The following CCZ1B variants were observed in gnomAD, a reference collection of about 807,000 sequenced individuals.
The protein encoded by CCZ1B is CCZ1B vacuolar protein trafficking and biogenesis associated.
A neutral mutation model predicts 58.8 loss-of-function variants in CCZ1B; 25 were observed. That is an observed-to-expected ratio of 0.43 (90% CI 0.31 to 0.59). The LOEUF (loss-of-function observed/expected upper bound fraction) is 0.59, where lower values mean the gene tolerates loss of function less well. Among genes scored for constraint, CCZ1B ranks in the 20% least tolerant of loss-of-function variants. The probability of loss-of-function intolerance (pLI) is 0.12; values close to 1 mark genes in which losing one functional copy is unlikely to be tolerated. For missense variants in CCZ1B, 180 were observed against 501.5 expected, an observed-to-expected ratio of 0.36 and a Z score of 6.12; for synonymous variants, 66 against 173.2, an observed-to-expected ratio of 0.38 and a Z score of 4.86.
In CCZ1B at chr7:6,813,568, G is replaced by A. The variant is rs767152769; in HGVS notation, c.781-531C>T. Among the ~76,000 whole-genome samples the A allele has an allele frequency of 8.0e-5, 12 of 149,218 alleles. No individual in the cohort carries two copies. In the East Asian group the frequency reaches 1.5e-3, roughly 19 times the overall value. On this transcript the variant is annotated intron_variant, in intron 8 of 14. Transcript: ENST00000316731. ...TCTCTTAAAAAAAATATTGGAGAGCGGGAGGACAAGAGGGAGGGAATGAAC... is the reference window on the plus strand; with the variant it reads ...TCTCTTAAAAAAAATATTGGAGAGCAGGAGGACAAGAGGGAGGGAATGAAC...
intron 1 of CCZ1B, 99 bp from the exon 2 acceptor site, chr7:6,824,836 C>T (rs1783169332): frequency 9.2e-6 from 13 of 1,416,430 alleles, no homozygotes; most frequent in African/African-American, 1.6e-5. Flanking sequence ...GTCACACATG[C>T]TAATGACAAA....
At chr7:6,803,701 C>T (rs1412431285) in intron 12 of CCZ1B, among the ~76,000 whole-genome samples, 4 of 147,736 alleles carry the variant, frequency 2.7e-5, no homozygotes, top group Admixed American at 1.4e-4. Flanking sequence ...CGGTGGCTCA[C>T]GCCTGTCATC....
At position 6,825,641 on chromosome 7, in the gene CCZ1B, CCACACACA is replaced by C. The variant is rs376938545; in HGVS notation, c.120+429_120+436del. Among the ~76,000 whole-genome samples the C allele has an allele frequency of 1.2e-3, 103 of 87,312 alleles. 4 individuals are homozygous for C. The highest frequency in any genetic ancestry group is 6.0e-3 in the Middle Eastern group (1 of 168). The allele number at this position is 87,312 out of a possible 152,430, so 57.3% of individuals were successfully genotyped here. On this transcript the variant is annotated intron_variant, in intron 1 of 14. Coordinates refer to ENST00000316731, the MANE Select transcript of CCZ1B (RefSeq NM_198097.5). Reference sequence around the variant, plus strand: ...AGTCGCCGTCCCCACCTCAGAAAAACCACACACACACACACACACACACCCCTCCCGAA... The same window carrying C: ...AGTCGCCGTCCCCACCTCAGAAAAACCACACACACACACACCCCTCCCGAA...
Position 6,819,963 on chromosome 7 carries a change from T to C in CCZ1B, c.523-22A>G, listed in dbSNP as rs555878336. 2.6e-5 allele frequency: 42 copies of C among 1,602,076 alleles called. 2 individuals are homozygous for C. In the African/African-American group the frequency reaches 5.1e-4, roughly 20 times the overall value. ...AATACTGTGGAAAAAAAATAAGGCATAAAATTTACTAATAGTACACTGAAT... is the reference window on the plus strand; with the variant it reads ...AATACTGTGGAAAAAAAATAAGGCACAAAATTTACTAATAGTACACTGAAT... On this transcript the variant is annotated intron_variant, in intron 6 of 14. Coordinates refer to ENST00000316731, the MANE Select transcript of CCZ1B (RefSeq NM_198097.5).
chr7:6,800,754 A>C (rs1782754831), intron 14 of CCZ1B, among the ~76,000 whole-genome samples, 194 bp downstream of exon 14: 1 of 138,498 alleles, frequency 7.2e-6, no homozygotes, highest in African/African-American at 2.8e-5. Flanking sequence ...TGCCATTGCC[A>C]AGTTTCCTGT....
At chr7:6,811,796 C>T (rs1265066154) in intron 10 of CCZ1B, 156 bp downstream of exon 10, 14 of 682,326 alleles carry the variant, frequency 2.1e-5, no homozygotes, top group Middle Eastern at 3.8e-4. Flanking sequence ...AAACTTATTA[C>T]GCTGGAAGAA....
chr7:6,815,972 A>G (rs1448231616), intron 7 of CCZ1B, among the ~76,000 whole-genome samples: 1 of 145,482 alleles, frequency 6.9e-6, no homozygotes, highest in Non-Finnish European at 1.5e-5. Context: ...AGAAATGTAC[A>G]TGGATTTTAA....
chr7:6,809,980 G>A (rs1046323100), intron 10 of CCZ1B, among the ~76,000 whole-genome samples: 2 of 149,156 alleles, frequency 1.3e-5, no homozygotes, highest in African/African-American at 2.5e-5. Context: ...GTGCATGACG[G>A]TAAACTTTTT....
At position 6,814,105 on chromosome 7, in the gene CCZ1B, C is replaced by T. The variant is rs561708381; in HGVS notation, c.780+659G>A. Among the ~76,000 whole-genome samples the T allele has an allele frequency of 5.4e-5, 8 of 148,172 alleles. 1 individual carries two copies. The highest frequency in any genetic ancestry group is 8.9e-5 in the Non-Finnish European group (6 of 67,332). On this transcript the variant is annotated intron_variant, in intron 8 of 14. Coordinates refer to ENST00000316731, the MANE Select transcript of CCZ1B (RefSeq NM_198097.5). ...AAGTTGCAGTGAGCTGAGATTAAAC[C>T]ACTGCACTCCAGCCTGGGCGAAAAG... is the stretch of plus-strand genomic sequence containing the variant.
chr7:6,800,608 G>A (rs1405204964), intron 14 of CCZ1B, among the ~76,000 whole-genome samples: 2 of 138,150 alleles, frequency 1.4e-5, no homozygotes, highest in South Asian at 2.7e-4. Context: ...GTTGGGGGCT[G>A]TGGTGAGCTA....
intron 6 of CCZ1B, among the ~76,000 whole-genome samples, chr7:6,820,480 A>ATT (rs1562432198): frequency 6.8e-6 from 1 of 147,686 alleles, no homozygotes; most frequent in East Asian, 2.0e-4. Flanking sequence ...CCTGGCCAAA[A>ATT]ATTTTTTTTT....
At chr7:6,810,726 G>T (rs1324921038) in intron 10 of CCZ1B, among the ~76,000 whole-genome samples, 1 of 149,594 alleles carries the variant, frequency 6.7e-6, no homozygotes, top group Non-Finnish European at 1.5e-5. Context: ...AAAGTGCTGG[G>T]ACTGCACCTG....
intron 4 of CCZ1B, chr7:6,823,795 A>T: frequency 2.5e-6 from 1 of 401,416 alleles, no homozygotes; most frequent in Non-Finnish European, 4.4e-6. Flanking sequence ...CTAGGATTAC[A>T]GGTGTGAGCC....
chr7:6,817,683 C>A (rs1453411167), intron 7 of CCZ1B, among the ~76,000 whole-genome samples: 1 of 149,742 alleles, frequency 6.7e-6, no homozygotes, highest in Non-Finnish European at 1.5e-5. Context: ...TGAGTCAGTA[C>A]AGCGTAAGGT....
At chr7:6,802,062 G>A (rs1782776794) in intron 12 of CCZ1B, among the ~76,000 whole-genome samples, 1 of 99,986 alleles carries the variant, frequency 1.0e-5, no homozygotes, top group Non-Finnish European at 2.0e-5. Context: ...CCCTGCTTGA[G>A]GAGAGTAACA....
chr7:6,818,634 C>CAGA (rs1783051772), intron 7 of CCZ1B, among the ~76,000 whole-genome samples: 12 of 109,190 alleles, frequency 1.1e-4, no homozygotes, highest in African/African-American at 2.2e-4. Context: ...GAAAGAAAGA[C>CAGA]AAGAAAGAAA....
intron 4 of CCZ1B, 151 bp from the exon 5 acceptor site, chr7:6,823,511 CG>C: frequency 3.9e-6 from 2 of 507,590 alleles, no homozygotes; most frequent in African/African-American, 5.5e-5. Flanking sequence ...AAAGTGTTTG[CG>C]TTCTTTTTTT....
intron 8 of CCZ1B, 143 bp downstream of exon 8, chr7:6,814,621 G>T: frequency 1.6e-6 from 1 of 625,252 alleles, no homozygotes; most frequent in Non-Finnish European, 2.7e-6. Flanking sequence ...TGTGCTAATT[G>T]ATATACAGTG....
chr7:6,818,651 CAGA>C (rs879914670), intron 7 of CCZ1B, among the ~76,000 whole-genome samples: 2,666 of 122,776 alleles, frequency 0.022, 142 homozygotes, highest in South Asian at 0.057. Context: ...GAAAGAAAGA[CAGA>C]AAGAAAGACA....
Sources: allele counts gnomAD v4.1 joint callset (sites outside exome capture counted in the v4.1 genomes callset), GRCh38; gene constraint gnomAD v4.1.1; transcripts MANE v1.5; gene names NCBI Gene and HGNC (gene_info 2026-07-23, HGNC 2026-07-21).